CCSER1: variants seen among roughly 807,000 people sequenced by gnomAD.
CCSER1 encodes serine-rich coiled-coil domain-containing protein 1.
CCSER1 carries 41 observed loss-of-function variants against 82.0 expected under a neutral mutation model. The ratio of observed to expected loss-of-function variants is 0.50; its 90% CI spans 0.39 to 0.65. The LOEUF (loss-of-function observed/expected upper bound fraction) is 0.65, where lower values mean the gene tolerates loss of function less well. CCSER1 is among the 30% of genes least tolerant of loss of function. CCSER1 has a pLI of 0.00. For synonymous variants in CCSER1, 414 were observed against 383.9 expected (o/e 1.08, Z -0.92); for missense variants, 1,119 against 1,064.2 (o/e 1.05, Z -0.72).
intron 1 of CCSER1, among the ~76,000 whole-genome samples, chr4:90,170,633 G>A (rs1236868915): frequency 1.3e-5 from 2 of 151,404 alleles, no homozygotes; most frequent in Non-Finnish European, 2.9e-5. Flanking sequence ...TTATCTTTCT[G>A]TGCCTGGCTT....
chr4:90,483,719 G>A lies in CCSER1; in HGVS notation c.1724+15365G>A, dbSNP rs550510788. On this transcript the variant is annotated intron_variant, in intron 5 of 10. Transcript: ENST00000509176. ...ATTGGCCCCCACTCTCTTCTGGCTT[G>A]TAGAGTTTCTGCTGAGAGATCAGCT... 1.4e-4 allele frequency among the ~76,000 whole-genome samples: 22 copies of A among 152,342 alleles called. 1 individual carries two copies. The South Asian group carries it at 4.6e-3, about 32-fold the overall frequency.
At chr4:91,098,234 G>T (rs946041160) in intron 10 of CCSER1, among the ~76,000 whole-genome samples, 4 of 152,100 alleles carry the variant, frequency 2.6e-5, no homozygotes, top group Non-Finnish European at 5.9e-5. Flanking sequence ...AATAGACTTG[G>T]ATAGACTTTG....
chr4:90,285,578 A>C (rs986679160), intron 1 of CCSER1, among the ~76,000 whole-genome samples: 1 of 152,078 alleles, frequency 6.6e-6, no homozygotes, highest in African/African-American at 2.4e-5. Flanking sequence ...AGATCATATT[A>C]TCTGCAATCA....
intron 9 of CCSER1, among the ~76,000 whole-genome samples, chr4:91,012,573 G>A (rs113739929): frequency 0.047 from 7,079 of 151,974 alleles, 204 homozygotes; most frequent in Non-Finnish European, 0.068. Flanking sequence ...GGTGTAGTAG[G>A]AGCTGGAGGT....
At chr4:90,556,384 A>T (rs1209243121) in intron 5 of CCSER1, among the ~76,000 whole-genome samples, 5 of 152,126 alleles carry the variant, frequency 3.3e-5, no homozygotes, top group African/African-American at 1.2e-4. Flanking sequence ...AGGTCTTAGG[A>T]TATATATACT....
rs1343608233 is a variant in CCSER1 at position 91,594,430 on chromosome 4, C to CATATACACACATATATACATAT, written c.2218-4112_2218-4091dup. The stretch of plus-strand genomic sequence containing the variant: ...ATATACACATATATATACATATATA[C>CATATACACACATATATACATAT]ATATACACACATATATACATATATA... On this transcript the variant is annotated intron_variant, in intron 10 of 10. Transcript: ENST00000509176. Among the ~76,000 whole-genome samples, 83 of 146,968 alleles carry CATATACACACATATATACATAT rather than the reference C, an allele frequency of 5.6e-4. 2 individuals carry two copies. The highest frequency in any genetic ancestry group is 5.1e-4 in the Non-Finnish European group (34 of 66,992).
rs564262041 is a variant in CCSER1 at position 91,304,874 on chromosome 4, T to C, written c.2217+218880T>C. Among the ~76,000 whole-genome samples the C allele has an allele frequency of 1.1e-4, 16 of 152,210 alleles. 1 individual carries two copies. In the South Asian group the frequency reaches 3.3e-3, roughly 32 times the overall value. On this transcript the variant is annotated intron_variant, in intron 10 of 10. Coordinates refer to ENST00000509176, the MANE Select transcript of CCSER1 (RefSeq NM_001145065.2). ...TAAATTAAATATCTTCTAGAACTAA[T>C]ACTAAAGTAGAAAATTCAATTATAT...
chr4:90,159,367 A>G (rs1728992178), intron 1 of CCSER1, among the ~76,000 whole-genome samples: 1 of 152,172 alleles, frequency 6.6e-6, no homozygotes, highest in African/African-American at 2.4e-5. Flanking sequence ...TTATAAAAAA[A>G]TATATTGCAG....
chr4:91,367,416 G>A (rs1749706311), intron 10 of CCSER1, among the ~76,000 whole-genome samples: 1 of 139,630 alleles, frequency 7.2e-6, no homozygotes. Flanking sequence ...TGGGAGGAAG[G>A]GCTTTCTTGA....
At chr4:91,246,857 C>A (rs1739826194) in intron 10 of CCSER1, among the ~76,000 whole-genome samples, 1 of 151,378 alleles carries the variant, frequency 6.6e-6, no homozygotes, top group East Asian at 1.9e-4. Flanking sequence ...CACACACACA[C>A]GGATAGCAAG....
intron 7 of CCSER1, among the ~76,000 whole-genome samples, chr4:90,753,243 C>G (rs149137619): frequency 2.3e-4 from 35 of 152,192 alleles, no homozygotes; most frequent in African/African-American, 7.9e-4. Flanking sequence ...TGTTGCCTCT[C>G]TAAGCTGATA....
intron 10 of CCSER1, among the ~76,000 whole-genome samples, chr4:91,424,032 C>T (rs957669905): frequency 4.4e-5 from 3 of 68,728 alleles, no homozygotes; most frequent in Admixed American, 2.3e-4. Context: ...TTTTTTGAGA[C>T]GGAGTCTCGC....
chr4:90,803,661 G>T (rs1038878137), intron 7 of CCSER1, among the ~76,000 whole-genome samples: 1 of 152,076 alleles, frequency 6.6e-6, no homozygotes, highest in African/African-American at 2.4e-5. Flanking sequence ...GAATAGTGCT[G>T]CAATAAACAT....
chr4:90,711,047 T>G (rs1238991353), intron 6 of CCSER1, among the ~76,000 whole-genome samples: 4 of 152,142 alleles, frequency 2.6e-5, no homozygotes, highest in Non-Finnish European at 4.4e-5. Flanking sequence ...ATCCTTCACT[T>G]CCCTTGTTAG....
intron 1 of CCSER1, among the ~76,000 whole-genome samples, chr4:90,152,237 G>A (rs1727000773): frequency 6.6e-6 from 1 of 152,142 alleles, no homozygotes; most frequent in Non-Finnish European, 1.5e-5. Context: ...GCAGGAGTGA[G>A]TTCTGAAACT....
chr4:91,474,810 TATACACACACACACAC>T (rs1458495458), intron 10 of CCSER1, among the ~76,000 whole-genome samples: 40 of 67,716 alleles, frequency 5.9e-4, no homozygotes, highest in African/African-American at 2.0e-3. Flanking sequence ...TATATATATA[TATACACACACACACAC>T]ACACACACAC....
chr4:91,602,142 A>G lies in CCSER1; in HGVS notation c.*3085A>G, dbSNP rs560327428. 2.0e-5 allele frequency among the ~76,000 whole-genome samples: 3 copies of G among 152,032 alleles called. No individual in the cohort carries two copies. The highest frequency in any genetic ancestry group is 4.4e-5 in the Non-Finnish European group (3 of 67,942). ...TTATTCAAGTTATTTTTGTTATCTA[A>G]TGATTGACATGAAAATAAAATAGTA... is the stretch of plus-strand genomic sequence containing the variant. On this transcript the variant is annotated 3_prime_UTR_variant, in exon 11 of 11. Coordinates refer to ENST00000509176, the MANE Select transcript of CCSER1 (RefSeq NM_001145065.2).
chr4:91,133,607 G>T (rs757481338), intron 10 of CCSER1, among the ~76,000 whole-genome samples: 7 of 152,242 alleles, frequency 4.6e-5, no homozygotes, highest in African/African-American at 1.7e-4. Context: ...GTATGTGTGG[G>T]TGCTCATAAC....
intron 1 of CCSER1, among the ~76,000 whole-genome samples, chr4:90,156,102 C>T (rs1469250115): frequency 1.3e-5 from 2 of 152,136 alleles, no homozygotes; most frequent in African/African-American, 4.8e-5. Context: ...CAAAGAACAT[C>T]TTTATTTCTG....
Sources: gnomAD v4.1 joint callset for allele counts (sites outside exome capture counted in the v4.1 genomes callset) on GRCh38, gnomAD v4.1.1 for gene constraint, MANE v1.5 for transcripts, NCBI Gene and HGNC (gene_info 2026-07-23, HGNC 2026-07-21) for gene names.